ODAD2: variants seen among roughly 807,000 people sequenced by gnomAD.
ODAD2 encodes outer dynein arm docking complex subunit 2.
Under a neutral mutation model 106.8 loss-of-function variants are expected in ODAD2, and 89 were observed. The observed-to-expected ratio is 0.83, with a 90% CI of 0.70 to 0.99. The LOEUF (loss-of-function observed/expected upper bound fraction) is 0.99, where lower values mean the gene tolerates loss of function less well. Ranked by LOEUF, ODAD2 falls within the 50% of genes least tolerant of loss-of-function variation. The pLI is 0.00. For synonymous variants in ODAD2, 404 were observed against 436.2 expected, an observed-to-expected ratio of 0.93 and a Z score of 0.92; for missense variants, 1,168 against 1,238.5, an observed-to-expected ratio of 0.94 and a Z score of 0.85.
At chr10:27,993,062 G>A (rs1850326625) in intron 2 of ODAD2, among the ~76,000 whole-genome samples, 1 of 151,852 alleles carries the variant, frequency 6.6e-6, no homozygotes, top group Non-Finnish European at 1.5e-5. Flanking sequence ...ATTACAGAAC[G>A]TGCCACCATG....
intron 17 of ODAD2, among the ~76,000 whole-genome samples, chr10:27,890,058 G>A (rs1353252589): frequency 1.3e-5 from 2 of 152,120 alleles, no homozygotes; most frequent in Admixed American, 1.3e-4. Context: ...AATAAAAAAT[G>A]CATAATCAAA....
chr10:27,970,015 A>C (rs1295353517), intron 8 of ODAD2, among the ~76,000 whole-genome samples: 1 of 152,070 alleles, frequency 6.6e-6, no homozygotes, highest in Non-Finnish European at 1.5e-5. Context: ...CTGAAGCAAG[A>C]GAATCGCTTG....
At chr10:27,910,629 C>T (rs1027070238) in intron 16 of ODAD2, among the ~76,000 whole-genome samples, 7 of 151,966 alleles carry the variant, frequency 4.6e-5, no homozygotes, top group South Asian at 2.1e-4. Flanking sequence ...TGGTGGTGCA[C>T]GACTCTAATC....
intron 14 of ODAD2, 48 bp from the exon 15 acceptor site, chr10:27,936,928 GC>G (rs1248596187): frequency 3.9e-6 from 6 of 1,542,702 alleles, no homozygotes; most frequent in Non-Finnish European, 5.2e-6. Context: ...GGAATATCAA[GC>G]TTTCAATGAT....
Position 27,987,486 on chromosome 10 carries a change from G to A in ODAD2, c.282C>T (p.Leu94=). 1 of 1,613,600 alleles carries A rather than the reference G, an allele frequency of 6.2e-7. No individual in the cohort carries two copies. The highest frequency in any genetic ancestry group is 8.5e-7 in the Non-Finnish European group (1 of 1,179,634). The change falls in exon 3 of 20, where the codon CTC becomes CTT. Residue 94 remains leucine (L), a synonymous_variant. Transcript: ENST00000305242. ...TCCTAATTTTAATTTGTGGTACAGA[G>A]AGAAATAGCAAAGGCTGTCCATTTT... ...VDKNGQPLLF[L]SVPQIKIRSF... is the part of the protein sequence containing the mutation.
chr10:27,981,220 C>T (rs1267997546), intron 7 of ODAD2, among the ~76,000 whole-genome samples: 3 of 151,642 alleles, frequency 2.0e-5, no homozygotes, highest in South Asian at 2.1e-4. Context: ...GTTCGAGAGA[C>T]GAAAAAGACT....
intron 19 of ODAD2, among the ~76,000 whole-genome samples, chr10:27,827,117 C>T (rs969068063): frequency 2.4e-4 from 37 of 152,242 alleles, no homozygotes; most frequent in African/African-American, 8.4e-4. Context: ...CTTCTCTTGA[C>T]TTTGTGAAAA....
At chr10:27,832,118 G>A (rs138203110) in intron 19 of ODAD2, among the ~76,000 whole-genome samples, 20 of 152,332 alleles carry the variant, frequency 1.3e-4, no homozygotes, top group African/African-American at 4.3e-4. Context: ...GATGCTTGGC[G>A]TATTTCAGCT....
rs369833558 is a variant in ODAD2 at position 27,993,974 on chromosome 10, A to ATATGTGTG, written c.224+944_224+945insCACACATA. On this transcript the variant is annotated intron_variant, in intron 2 of 19. Coordinates refer to ENST00000305242, the MANE Select transcript of ODAD2 (RefSeq NM_018076.5). ...GAGGCTGGCAAATATATATATATATATGTGTGTGTGTGTGTGTGTGTGTGT... is the reference window on the plus strand; with the variant it reads ...GAGGCTGGCAAATATATATATATATATATGTGTGTGTGTGTGTGTGTGTGTGTGTGTGT... Among the ~76,000 whole-genome samples the ATATGTGTG allele has an allele frequency of 2.2e-3, 310 of 140,608 alleles. 2 individuals carry two copies. The highest frequency in any genetic ancestry group is 2.9e-3 in the Non-Finnish European group (190 of 65,372). 92.2% of individuals were successfully genotyped at this position (140,608 alleles called of 152,430 possible).
At chr10:27,920,693 TC>T (rs1324840080) in intron 16 of ODAD2, among the ~76,000 whole-genome samples, 1 of 152,170 alleles carries the variant, frequency 6.6e-6, no homozygotes, top group East Asian at 1.9e-4. Context: ...AAACACATAT[TC>T]TATTTTATGT....
intron 10 of ODAD2, among the ~76,000 whole-genome samples, chr10:27,958,466 T>C (rs959481316): frequency 3.3e-5 from 5 of 152,202 alleles, no homozygotes; most frequent in South Asian, 2.1e-4. Context: ...GAAAATTCTT[T>C]CTGCTCTTAG....
At chr10:27,915,607 C>T (rs7907231) in intron 16 of ODAD2, among the ~76,000 whole-genome samples, 24,343 of 151,898 alleles carry the variant, frequency 0.16, 2,934 homozygotes, top group African/African-American at 0.34. Flanking sequence ...AATTATGATA[C>T]GATTAAATTC....
At chr10:27,932,690 A>G (rs1845696404) in intron 16 of ODAD2, among the ~76,000 whole-genome samples, 1 of 152,164 alleles carries the variant, frequency 6.6e-6, no homozygotes, top group African/African-American at 2.4e-5. Flanking sequence ...TCTTGCTTTA[A>G]ATATTATCCT....
chr10:27,839,579 A>T (rs938557283), intron 19 of ODAD2, among the ~76,000 whole-genome samples: 10 of 152,226 alleles, frequency 6.6e-5, no homozygotes, highest in African/African-American at 2.4e-4. Flanking sequence ...GTTATTTGCC[A>T]TCTAGTGCAC....
In ODAD2 at chr10:27,920,284, T is replaced by C. The variant is rs1016762030; in HGVS notation, c.2496-12507A>G. ...TATTCACTTTCCCTTATGTATAGTT[T>C]ACAAATTAAAAAAATTTTAAAGGCT... is the stretch of plus-strand genomic sequence containing the variant. On this transcript the variant is annotated intron_variant, in intron 16 of 19. Coordinates refer to ENST00000305242, the MANE Select transcript of ODAD2 (RefSeq NM_018076.5). Among the ~76,000 whole-genome samples, 7 of 152,302 alleles carry C rather than the reference T, an allele frequency of 4.6e-5. No homozygotes were observed. The East Asian group carries it at 9.6e-4, about 21-fold the overall frequency.
At chr10:27,862,826 ATATG>A (rs1840152211) in intron 17 of ODAD2, among the ~76,000 whole-genome samples, 1 of 152,208 alleles carries the variant, frequency 6.6e-6, no homozygotes, top group Non-Finnish European at 1.5e-5. Flanking sequence ...GTCTATATAC[ATATG>A]TAGCACATAT....
At chr10:27,908,888 A>C (rs1843785851) in intron 16 of ODAD2, among the ~76,000 whole-genome samples, 1 of 152,188 alleles carries the variant, frequency 6.6e-6, no homozygotes, top group Non-Finnish European at 1.5e-5. Context: ...TAAGATAAAA[A>C]CTGTCTTAAA....
At chr10:27,885,656 A>AAT (rs1378969077) in intron 17 of ODAD2, among the ~76,000 whole-genome samples, 66 of 21,302 alleles carry the variant, frequency 3.1e-3, no homozygotes, top group Non-Finnish European at 6.6e-3. Flanking sequence ...TATTATATAT[A>AAT]ATATATTATA....
At chr10:27,916,107 G>A (rs1438824880) in intron 16 of ODAD2, among the ~76,000 whole-genome samples, 1 of 152,088 alleles carries the variant, frequency 6.6e-6, no homozygotes, top group African/African-American at 2.4e-5. Context: ...GCAGAATAAG[G>A]GGAATATCCC....
Sources: allele counts gnomAD v4.1 joint callset (sites outside exome capture counted in the v4.1 genomes callset), GRCh38; gene constraint gnomAD v4.1.1; transcripts MANE v1.5; gene names NCBI Gene and HGNC (gene_info 2026-07-23, HGNC 2026-07-21).